The following CLPB variants were observed in gnomAD, a reference collection of about 807,000 sequenced individuals.
The protein encoded by CLPB is ClpB family mitochondrial disaggregase, also known as mitochondrial disaggregase.
Under a neutral mutation model 78.4 loss-of-function variants are expected in CLPB, and 40 were observed. The observed-to-expected ratio is 0.51, with a 90% CI of 0.40 to 0.66. The LOEUF (loss-of-function observed/expected upper bound fraction) is 0.66. Among genes scored for constraint, CLPB ranks in the 30% least tolerant of loss-of-function variants. The pLI is 0.00. For missense variants in CLPB, 780 were observed against 886.9 expected, an observed-to-expected ratio of 0.88 and a Z score of 1.53; for synonymous variants, 333 against 348.0, an observed-to-expected ratio of 0.96 and a Z score of 0.48.
In CLPB at chr11:72,293,242, A is replaced by G; in HGVS notation, c.*125T>C. The G allele has an allele frequency of 8.3e-7, 1 of 1,207,570 alleles. No individual in the cohort carries two copies. Among genetic ancestry groups the G allele is most frequent in the Non-Finnish European group, 1.2e-6 (1 of 858,034 alleles). 74.8% of individuals were successfully genotyped at this position (1,207,570 alleles called of 1,614,324 possible). A position where few individuals can be genotyped will look rare whatever the true frequency, so the allele number is the denominator to read the frequency against. On this transcript the variant is annotated 3_prime_UTR_variant, in exon 16 of 16. Transcript: ENST00000538039. The stretch of plus-strand genomic sequence containing the variant: ...GAAGGGGTCTTCATGGGCTGTGAGG[A>G]GGTAAGCAGGCCTGAGACTGGGTAG...
chr11:72,336,064 G>C (rs892501872), intron 5 of CLPB, among the ~76,000 whole-genome samples: 2 of 151,924 alleles, frequency 1.3e-5, no homozygotes, highest in Admixed American at 1.3e-4. Context: ...TTCCTAGGGA[G>C]AGTGCTGAAT....
At position 72,286,225 on chromosome 11, in the gene CLPB, T is replaced by TTTTTTTTTTTTTTTG. The variant is rs1949387907; in HGVS notation, c.*7141_*7142insCAAAAAAAAAAAAAA. 1.6e-5 allele frequency: 2 copies of TTTTTTTTTTTTTTTG among 122,490 alleles called. 1 individual carries two copies. The highest frequency in any genetic ancestry group is 3.3e-5 in the Non-Finnish European group (2 of 59,838). 7.6% of individuals were successfully genotyped at this position (122,490 alleles called of 1,614,324 possible). On this transcript the variant is annotated 3_prime_UTR_variant, in exon 16 of 16. Coordinates refer to ENST00000538039, the MANE Select transcript of CLPB (RefSeq NM_001258392.3). ...TACAGGTGTGAGATACTGCACCTGT[T>TTTTTTTTTTTTTTTG]TTTTTTTTTTTTTTTTTTTTTAAGA...
intron 5 of CLPB, among the ~76,000 whole-genome samples, chr11:72,355,994 G>A (rs955300261): frequency 3.3e-5 from 5 of 152,086 alleles, no homozygotes; most frequent in South Asian, 4.1e-4. Flanking sequence ...TAAGAAAACC[G>A]GATGGGGCTG....
intron 1 of CLPB, among the ~76,000 whole-genome samples, chr11:72,432,864 T>G (rs1856586839): frequency 6.6e-6 from 1 of 152,192 alleles, no homozygotes; most frequent in African/African-American, 2.4e-5. Context: ...AGGCACTCCC[T>G]ACTCCCCAAC....
In CLPB at chr11:72,291,298, A is replaced by C. The variant is rs1424387317; in HGVS notation, c.*2069T>G. ...GTAGATTAGTTAGTAGTAGTTTATC[A>C]ATGTTAACTTCCTGGTTTTCTTTTT... is the stretch of plus-strand genomic sequence containing the variant. On this transcript the variant is annotated 3_prime_UTR_variant, in exon 16 of 16. Transcript: ENST00000538039. The C allele has an allele frequency of 6.6e-6, 1 of 152,146 alleles. No individual in the cohort carries two copies. Among genetic ancestry groups the C allele is most frequent in the East Asian group, 1.9e-4 (1 of 5,172 alleles). 9.4% of individuals were successfully genotyped at this position (152,146 alleles called of 1,614,324 possible).
chr11:72,366,925 T>C (rs904114727), intron 4 of CLPB, among the ~76,000 whole-genome samples: 3 of 152,162 alleles, frequency 2.0e-5, no homozygotes, highest in African/African-American at 7.2e-5. Context: ...CAGGCACTCA[T>C]ATGTTCATCA....
Position 72,317,217 on chromosome 11 carries a change from G to C in CLPB, c.877C>G (p.Gln293Glu). Reference sequence around the variant, plus strand: ...GCCTCACGCTTCCGCTGCTTCTCTTGGTACTGTGGGGAGAGAGGGCAAATG... The same window carrying C: ...GCCTCACGCTTCCGCTGCTTCTCTTCGTACTGTGGGGAGAGAGGGCAAATG... ...KLLRTSEAKY[Q>E]EKQRKREAEE... Residue 293 changes from glutamine (Q) to glutamate (E), a missense_variant, in exon 7 of 16, where the codon CAA becomes GAA. Coordinates refer to ENST00000538039, the MANE Select transcript of CLPB (RefSeq NM_001258392.3). 6.2e-7 allele frequency: 1 copy of C among 1,606,604 alleles called. No individual in the cohort carries two copies. Among genetic ancestry groups the C allele is most frequent in the Non-Finnish European group, 8.5e-7 (1 of 1,176,948 alleles).
intron 2 of CLPB, among the ~76,000 whole-genome samples, chr11:72,430,028 G>C (rs1295566503): frequency 1.3e-5 from 2 of 152,232 alleles, no homozygotes; most frequent in Non-Finnish European, 2.9e-5. Flanking sequence ...ATTCAGAGAA[G>C]AACCCAAAGG....
intron 3 of CLPB, among the ~76,000 whole-genome samples, chr11:72,386,576 T>C (rs1855084460): frequency 6.6e-6 from 1 of 152,212 alleles, no homozygotes; most frequent in South Asian, 2.1e-4. Context: ...ATGAAGGAAT[T>C]TCACTAACTT....
At chr11:72,302,668 C>T (rs541140957) in intron 9 of CLPB, 12 of 336,220 alleles carry the variant, frequency 3.6e-5, no homozygotes, top group African/African-American at 1.3e-4. Flanking sequence ...ATCCATTCCA[C>T]GTTTCCTGAG....
chr11:72,395,176 T>A (rs1321972028), intron 3 of CLPB, among the ~76,000 whole-genome samples: 5 of 152,176 alleles, frequency 3.3e-5, no homozygotes, highest in African/African-American at 1.2e-4. Context: ...TCTGCCTCAT[T>A]CTCCAAAGCG....
Position 72,293,291 on chromosome 11 carries a change from G to A in CLPB, c.*76C>T. ...AGAGATGGGAGCGGCATGAGGGGAA[G>A]GTAAGTCAGTTGCCATGCCACAGCC... On this transcript the variant is annotated 3_prime_UTR_variant, in exon 16 of 16. Transcript: ENST00000538039. 6.5e-7 allele frequency: 1 copy of A among 1,544,334 alleles called. No homozygotes were observed. Among genetic ancestry groups the A allele is most frequent in the Non-Finnish European group, 8.8e-7 (1 of 1,132,412 alleles).
chr11:72,337,970 A>T (rs973966202), intron 5 of CLPB, among the ~76,000 whole-genome samples: 2 of 152,028 alleles, frequency 1.3e-5, no homozygotes, highest in African/African-American at 2.4e-5. Context: ...ACAAGTCCCA[A>T]CCCCCCAGTG....
chr11:72,292,950 A>C lies in CLPB; in HGVS notation c.*417T>G, dbSNP rs75201671. The C allele has an allele frequency of 0.016, 2,692 of 171,114 alleles. 79 individuals carry two copies. Among genetic ancestry groups the C allele is most frequent in the African/African-American group, 0.061 (2,586 of 42,324 alleles). The allele number at this position is 171,114 out of a possible 1,614,324, so 10.6% of individuals were successfully genotyped here. Reference sequence around the variant, plus strand: ...GGGACTGAGTTGCATGAGGACTAGCAGAGGGTGGCAGTTCAGTCTGGTCCC... The same window carrying C: ...GGGACTGAGTTGCATGAGGACTAGCCGAGGGTGGCAGTTCAGTCTGGTCCC... On this transcript the variant is annotated 3_prime_UTR_variant, in exon 16 of 16. Coordinates refer to ENST00000538039, the MANE Select transcript of CLPB (RefSeq NM_001258392.3).
intron 4 of CLPB, among the ~76,000 whole-genome samples, chr11:72,365,639 G>C (rs1950928416): frequency 6.7e-6 from 1 of 149,828 alleles, no homozygotes; most frequent in Non-Finnish European, 1.5e-5. Context: ...AAAGGTATCA[G>C]ACTACCTGAC....
At chr11:72,385,610 G>C (rs545507666) in intron 3 of CLPB, among the ~76,000 whole-genome samples, 2 of 152,160 alleles carry the variant, frequency 1.3e-5, no homozygotes, top group Non-Finnish European at 2.9e-5. Context: ...ATCACCTGAG[G>C]TCAGGAGTTC....
chr11:72,324,146 C>A lies in CLPB; in HGVS notation c.873+5561G>T, dbSNP rs115664624. Among the ~76,000 whole-genome samples the A allele has an allele frequency of 6.7e-3, 1,015 of 152,218 alleles. 3 individuals are homozygous for A. Among genetic ancestry groups the A allele is most frequent in the African/African-American group, 0.023 (953 of 41,542 alleles). On this transcript the variant is annotated intron_variant, in intron 6 of 15. Transcript: ENST00000538039. ...GATGAGTCTGGAAGGGAGTCTGAGGCAGGCTTTTGGGGTGCTTCTAATAGT... is the reference window on the plus strand; with the variant it reads ...GATGAGTCTGGAAGGGAGTCTGAGGAAGGCTTTTGGGGTGCTTCTAATAGT...
At chr11:72,320,018 G>A (rs374928695) in intron 6 of CLPB, among the ~76,000 whole-genome samples, 9 of 152,310 alleles carry the variant, frequency 5.9e-5, no homozygotes, top group African/African-American at 1.2e-4. Context: ...GGCGGCTCTC[G>A]AGGCTCCATC....
At chr11:72,350,126 C>T (rs1008938514) in intron 5 of CLPB, among the ~76,000 whole-genome samples, 3 of 152,320 alleles carry the variant, frequency 2.0e-5, no homozygotes, top group Middle Eastern at 3.4e-3. Context: ...CTTTTCCCTG[C>T]GGTGAGCAAG....
Sources: gnomAD v4.1 joint callset for allele counts (sites outside exome capture counted in the v4.1 genomes callset) on GRCh38, gnomAD v4.1.1 for gene constraint, MANE v1.5 for transcripts, NCBI Gene and HGNC (gene_info 2026-07-23, HGNC 2026-07-21) for gene names.